CTDP1: variants seen among roughly 807,000 people sequenced by gnomAD.
CTDP1 encodes the protein CTD phosphatase 1.
In CTDP1, 47 loss-of-function variants were observed where a neutral mutation model predicts 91.8. The observed-to-expected ratio is 0.51, with a 90% confidence interval of 0.41 to 0.65. The LOEUF (loss-of-function observed/expected upper bound fraction) is 0.65, where lower values mean the gene tolerates loss of function less well. Ranked by LOEUF, CTDP1 falls within the 30% of genes least tolerant of loss-of-function variation. The pLI is 0.00. For missense variants in CTDP1, 1,272 were observed against 1,373.7 expected (o/e 0.93, Z 1.17); for synonymous variants, 656 against 598.5 (o/e 1.10, Z -1.40).
At chr18:79,717,488 C>T in intron 8 of CTDP1, 47 bp from the exon 9 acceptor site, 2 of 1,608,046 alleles carry the variant, frequency 1.2e-6, no homozygotes, top group Non-Finnish European at 1.7e-6. Context: ...GGGCCCTGAG[C>T]CTCCAGTGCT....
At chr18:79,716,515 A>G (rs1398023592) in intron 8 of CTDP1, among the ~76,000 whole-genome samples, 2 of 152,214 alleles carry the variant, frequency 1.3e-5, no homozygotes, top group Non-Finnish European at 2.9e-5. Flanking sequence ...GAGAAAGCCA[A>G]GCCCTGGCCT....
intron 12 of CTDP1, among the ~76,000 whole-genome samples, chr18:79,738,179 C>G (rs2086705246): frequency 6.6e-6 from 1 of 152,206 alleles, no homozygotes; most frequent in African/African-American, 2.4e-5. Context: ...CTGCGTAACC[C>G]CAGGTGGCAG....
At chr18:79,686,586 A>C (rs181416260) in intron 1 of CTDP1, among the ~76,000 whole-genome samples, 1 of 152,274 alleles carries the variant, frequency 6.6e-6, no homozygotes, top group Non-Finnish European at 1.5e-5. Context: ...AACTTGAGCT[A>C]AAACTTAACT....
chr18:79,749,501 C>CGCCACGCGCTCCCGAG (rs142577028), intron 12 of CTDP1, among the ~76,000 whole-genome samples: 1 of 150,172 alleles, frequency 6.7e-6, no homozygotes, highest in African/African-American at 2.5e-5. Context: ...GTGAGGGTCG[C>CGCCACGCGCTCCCGAG]GCCCCGTGCA....
intron 12 of CTDP1, among the ~76,000 whole-genome samples, chr18:79,751,561 C>A (rs1446040442): frequency 6.6e-6 from 1 of 152,210 alleles, no homozygotes; most frequent in African/African-American, 2.4e-5. Context: ...TCCATCTGAT[C>A]AGCTGATTTT....
chr18:79,702,162 T>C (rs577436205), intron 4 of CTDP1, among the ~76,000 whole-genome samples: 1 of 152,334 alleles, frequency 6.6e-6, no homozygotes, highest in African/African-American at 2.4e-5. Context: ...AGAAACCTTT[T>C]GTGAAAGGAA....
intron 10 of CTDP1, among the ~76,000 whole-genome samples, chr18:79,719,600 G>A (rs1331855646): frequency 2.0e-5 from 3 of 151,192 alleles, no homozygotes; most frequent in Non-Finnish European, 4.4e-5. Flanking sequence ...CTTCCCATTA[G>A]GAAGGCGTCC....
At chr18:79,736,254 C>A in intron 11 of CTDP1, 101 bp from the exon 12 acceptor site, 1 of 1,467,698 alleles carries the variant, frequency 6.8e-7, no homozygotes, top group Non-Finnish European at 9.3e-7. Context: ...CCAGCCCCCA[C>A]CCTGCTGCAC....
chr18:79,721,890 C>G (rs111246376), intron 10 of CTDP1, among the ~76,000 whole-genome samples: 4,298 of 150,094 alleles, frequency 0.029, 211 homozygotes, highest in African/African-American at 0.1. Flanking sequence ...GTGGTGCAAT[C>G]TTGGCTCACT....
chr18:79,729,004 A>T lies in CTDP1; in HGVS notation c.2515A>T (p.Ser839Cys). Reference sequence around the variant, plus strand: ...CCCTTCTAGAAGAAAGCGACAGCCCAGTATGTCTGAGACAATGCCGCTGTA... The same window carrying T: ...CCCTTCTAGAAGAAAGCGACAGCCCTGTATGTCTGAGACAATGCCGCTGTA... Reference protein sequence around the residue: ...PGPSRRKRQPSMSETMPLYTL... With the variant: ...PGPSRRKRQPCMSETMPLYTL... The change falls in exon 11 of 13, where the codon AGT (serine) becomes TGT (cysteine). Residue 839 changes from serine (S) to cysteine (C), a missense_variant. Physicochemically the swap from Ser to Cys is moderately radical, Grantham distance 112 (BLOSUM62 -1). Coordinates refer to ENST00000613122, the MANE Select transcript of CTDP1 (RefSeq NM_004715.5). 6.2e-7 allele frequency: 1 copy of T among 1,614,186 alleles called. No homozygotes were observed. Among genetic ancestry groups the T allele is most frequent in the Non-Finnish European group, 8.5e-7 (1 of 1,180,050 alleles).
At chr18:79,717,761 T>C (rs772090061) in intron 9 of CTDP1, 49 bp from the exon 10 acceptor site, 3 of 1,613,694 alleles carry the variant, frequency 1.9e-6, no homozygotes, top group Middle Eastern at 1.7e-4. Flanking sequence ...GCAGTGCCCC[T>C]CATCACCCGG....
downstream of CTDP1, chr18:79,755,627 A>C (rs184235834): frequency 2.0e-5 from 3 of 152,166 alleles, no homozygotes; most frequent in South Asian, 6.2e-4. Flanking sequence ...CTCCTTCCAC[A>C]GTGGTTTCTC....
intron 5 of CTDP1, among the ~76,000 whole-genome samples, chr18:79,707,968 T>G (rs182582499): frequency 6.6e-4 from 101 of 152,386 alleles, no homozygotes; most frequent in African/African-American, 2.3e-3. Context: ...CTAATAATTC[T>G]ATTAACAGAC....
chr18:79,742,707 T>C (rs1199339214), intron 12 of CTDP1, among the ~76,000 whole-genome samples: 1 of 152,246 alleles, frequency 6.6e-6, no homozygotes, highest in African/African-American at 2.4e-5. Flanking sequence ...CCTGTAATCC[T>C]AGCACTTTAG....
chr18:79,716,445 G>A (rs888642716), intron 8 of CTDP1, among the ~76,000 whole-genome samples: 1 of 152,244 alleles, frequency 6.6e-6, no homozygotes. Context: ...AAATAGCCAG[G>A]TGCTAGCTGC....
At chr18:79,679,591 C>A (rs531984862), upstream of CTDP1, 1 of 472,756 alleles carries the variant, frequency 2.1e-6, no homozygotes, top group South Asian at 1.5e-5. Context: ...GTCACTGGGA[C>A]TGGGCGACAG....
Position 79,715,077 on chromosome 18 carries a change from T to A in CTDP1, c.1617T>A (p.Asp539Glu). The A allele has an allele frequency of 1.2e-6, 2 of 1,612,828 alleles. No individual in the cohort carries two copies. Among genetic ancestry groups the A allele is most frequent in the Non-Finnish European group, 1.7e-6 (2 of 1,179,788 alleles). Residue 539 changes from aspartate (D) to glutamate (E), a missense_variant, in exon 8 of 13, where the codon GAT becomes GAA. By Grantham distance (45) the Asp-to-Glu change is conservative. Around this residue, in one of 3 missense-constraint regions of CTDP1, gnomAD observed 881 missense variants for 911.6 expected, o/e 0.97. Transcript: ENST00000613122. ...ELGGQEEGER[D>E]GLCGLGNGCA... ...GTGGGCAGGAGGAGGGCGAGCGGGA[T>A]GGCCTCTGCGGCCTGGGCAACGGCT... is the stretch of plus-strand genomic sequence containing the variant.
intron 10 of CTDP1, among the ~76,000 whole-genome samples, chr18:79,725,741 G>A (rs1050874576): frequency 4.6e-5 from 7 of 151,846 alleles, no homozygotes; most frequent in East Asian, 3.9e-4. Flanking sequence ...TCATGCTCTC[G>A]GGGCAGGCCT....
At chr18:79,732,805 G>A (rs1242271474) in intron 11 of CTDP1, among the ~76,000 whole-genome samples, 3 of 151,722 alleles carry the variant, frequency 2.0e-5, no homozygotes, top group Non-Finnish European at 4.4e-5. Context: ...CCTAACAGGA[G>A]TGCTCCCAAA....
Sources: allele counts gnomAD v4.1 joint callset (sites outside exome capture counted in the v4.1 genomes callset), GRCh38; gene constraint gnomAD v4.1.1; regional missense constraint gnomAD v4.1.1; transcripts MANE v1.5; gene names NCBI Gene and HGNC (gene_info 2026-07-23, HGNC 2026-07-21).